RNF149: variants seen among roughly 807,000 people sequenced by gnomAD.
The protein encoded by RNF149 is E3 ubiquitin-protein ligase RNF149.
A neutral mutation model predicts 39.0 loss-of-function variants in RNF149; 21 were observed. That is an observed-to-expected ratio of 0.54 (90% CI 0.38 to 0.77). The LOEUF (loss-of-function observed/expected upper bound fraction) is 0.77, where lower values mean the gene tolerates loss of function less well. Ranked by LOEUF, RNF149 falls within the 30% of genes least tolerant of loss-of-function variation. The probability of loss-of-function intolerance (pLI) is 0.00; values close to 1 mark genes in which losing one functional copy is unlikely to be tolerated. For missense variants in RNF149, 493 were observed against 534.9 expected (o/e 0.92, Z 0.77); for synonymous variants, 209 against 213.6 (o/e 0.98, Z 0.19).
At chr2:101,302,353 G>C (rs1683485584) in intron 1 of RNF149, among the ~76,000 whole-genome samples, 1 of 152,066 alleles carries the variant, frequency 6.6e-6, no homozygotes. Flanking sequence ...AGGTGAATTT[G>C]GTGAATTCAT....
In RNF149 at chr2:101,289,028, C is replaced by G; in HGVS notation, c.808G>C (p.Ala270Pro). The change falls in exon 4 of 7, where the codon GCA becomes CCA. Residue 270 changes from alanine to proline, a missense_variant. By Grantham distance (27) the Ala-to-Pro change is conservative. Transcript: ENST00000295317. Reference sequence around the variant, plus strand: ...ACTTTGAAATTTTCAATACACACTGCACAATTTTCAGCATCAACATCAATT... The same window carrying G: ...ACTTTGAAATTTTCAATACACACTGGACAATTTTCAGCATCAACATCAATT... The part of the protein sequence containing the change: ...KGIDVDAENC[A>P]VCIENFKVKD... 1.3e-6 allele frequency: 2 copies of G among 1,594,260 alleles called. No homozygotes were observed. The highest frequency in any genetic ancestry group is 1.7e-6 in the Non-Finnish European group (2 of 1,163,382).
downstream of RNF149, among the ~76,000 whole-genome samples, chr2:101,273,752 C>T (rs186908861): frequency 1.5e-4 from 23 of 152,232 alleles, no homozygotes; most frequent in East Asian, 3.3e-3. Context: ...GTGTTAAAAG[C>T]GTCAACCACC....
At position 101,308,695 on chromosome 2, in the gene RNF149, C is replaced by CCCT; in HGVS notation, c.-108_-107insAGG. The CCCT allele has an allele frequency of 9.3e-7, 1 of 1,076,516 alleles. No individual in the cohort carries two copies. Among genetic ancestry groups the CCCT allele is most frequent in the Non-Finnish European group, 1.3e-6 (1 of 790,984 alleles). 66.7% of individuals were successfully genotyped at this position (1,076,516 alleles called of 1,614,324 possible). ...CCACCGCCGCCCTGGAAGACTGAGG[C>CCCT]GGGGTCGGGGCCGCTGCGCACGCGC... On this transcript the variant is annotated 5_prime_UTR_variant, in exon 1 of 7. Coordinates refer to ENST00000295317, the MANE Select transcript of RNF149 (RefSeq NM_173647.4).
chr2:101,275,946 T>C lies in RNF149; in HGVS notation c.*1292A>G. 1.0e-6 allele frequency: 1 copy of C among 983,286 alleles called. No individual in the cohort carries two copies. Among genetic ancestry groups the C allele is most frequent in the Non-Finnish European group, 1.2e-6 (1 of 827,962 alleles). The allele number at this position is 983,286 out of a possible 1,614,324, so 60.9% of individuals were successfully genotyped here. The stretch of plus-strand genomic sequence containing the variant: ...TCAATAGCTCCTCATACTGCATCTG[T>C]CTGTAGAGTTTATTTCAGTAAAACT... On this transcript the variant is annotated 3_prime_UTR_variant, in exon 7 of 7. Transcript: ENST00000295317.
In RNF149 at chr2:101,289,054, C is replaced by T. The variant is rs1273585098; in HGVS notation, c.782G>A (p.Gly261Glu). The change falls in exon 4 of 7, where the codon GGA (glycine) becomes GAA (glutamate). Residue 261 changes from glycine to glutamate, a missense_variant and splice_region_variant. Transcript: ENST00000295317. The part of the protein sequence containing the change: ...LLHTVKHGEK[G>E]IDVDAENCAV... ...ACAATTTTCAGCATCAACATCAATT[C>T]CCTGTAAAAAGAAAAGGAAAGTGTT... 1 of 1,574,524 alleles carries T rather than the reference C, an allele frequency of 6.4e-7. No individual in the cohort carries two copies. Among genetic ancestry groups the T allele is most frequent in the East Asian group, 2.2e-5 (1 of 44,556 alleles).
intron 5 of RNF149, 61 bp from the exon 6 acceptor site, chr2:101,282,118 G>C: frequency 1.3e-6 from 2 of 1,596,840 alleles, no homozygotes; most frequent in Non-Finnish European, 1.7e-6. Flanking sequence ...CAAAGCTTAT[G>C]TATCATCTGG....
intron 5 of RNF149, among the ~76,000 whole-genome samples, chr2:101,283,280 A>G (rs1043198815): frequency 3.9e-5 from 6 of 152,182 alleles, no homozygotes; most frequent in Non-Finnish European, 5.9e-5. Context: ...ACCAGTCCAG[A>G]AAGTGAAATC....
At chr2:101,295,268 T>C (rs1285993454) in intron 1 of RNF149, 87 bp from the exon 2 acceptor site, 1 of 1,120,342 alleles carries the variant, frequency 8.9e-7, no homozygotes, top group South Asian at 1.6e-5. Flanking sequence ...ACTATGTTCA[T>C]CTACATATAT....
At chr2:101,294,743 T>C (rs1256885235) in intron 2 of RNF149, 188 bp downstream of exon 2, 1 of 584,230 alleles carries the variant, frequency 1.7e-6, no homozygotes, top group Non-Finnish European at 3.0e-6. Context: ...TAAAGGTATC[T>C]AATTTCCCAC....
In RNF149 at chr2:101,282,134, A is replaced by G. The variant is rs1227613950; in HGVS notation, c.961-77T>C. On this transcript the variant is annotated intron_variant, in intron 5 of 6. Transcript: ENST00000295317. ...AAAGCTTATGTATCATCTGGCTCGT[A>G]ATTCACACACAATATTACGTACTTC... 5.7e-6 allele frequency: 9 copies of G among 1,568,070 alleles called. No individual in the cohort carries two copies. The African/African-American group carries it at 1.1e-4, about 19-fold the overall frequency.
chr2:101,276,080 T>A lies in RNF149; in HGVS notation c.*1158A>T. ...TATGGCTATAAAAATAAATTTATAA[T>A]TTTAAAAATTGTTTTAAATAAACAT... is the stretch of plus-strand genomic sequence containing the variant. On this transcript the variant is annotated 3_prime_UTR_variant, in exon 7 of 7. Transcript: ENST00000295317. 2.3e-6 allele frequency: 2 copies of A among 870,204 alleles called. No homozygotes were observed. The highest frequency in any genetic ancestry group is 1.4e-6 in the Non-Finnish European group (1 of 724,894). The allele number at this position is 870,204 out of a possible 1,614,324, so 53.9% of individuals were successfully genotyped here.
At chr2:101,293,534 T>A (rs1479717450) in intron 3 of RNF149, among the ~76,000 whole-genome samples, 1 of 152,252 alleles carries the variant, frequency 6.6e-6, no homozygotes, top group Non-Finnish European at 1.5e-5. Context: ...AGATTAGCCA[T>A]GTCAAAATGT....
At chr2:101,283,296 G>A (rs1342809740) in intron 5 of RNF149, among the ~76,000 whole-genome samples, 1 of 152,166 alleles carries the variant, frequency 6.6e-6, no homozygotes, top group African/African-American at 2.4e-5. Context: ...AAATCTTCAA[G>A]AGCCCATGAG....
chr2:101,294,265 C>A (rs1683135002), intron 2 of RNF149, 183 bp from the exon 3 acceptor site: 1 of 469,154 alleles, frequency 2.1e-6, no homozygotes, highest in Non-Finnish European at 3.8e-6. Flanking sequence ...GCACCAACTT[C>A]ATAAAAAAGC....
At chr2:101,280,274 CT>C (rs1199801512) in intron 6 of RNF149, among the ~76,000 whole-genome samples, 2 of 151,856 alleles carry the variant, frequency 1.3e-5, no homozygotes, top group Non-Finnish European at 2.9e-5. Context: ...AGGAAATTGC[CT>C]TGCAAATATA....
At chr2:101,282,182 G>C in intron 5 of RNF149, 125 bp from the exon 6 acceptor site, 1 of 1,361,012 alleles carries the variant, frequency 7.3e-7, no homozygotes, top group Non-Finnish European at 9.8e-7. Flanking sequence ...CTGGCAAAAA[G>C]CACATCAATG....
In RNF149 at chr2:101,276,314, A is replaced by G; in HGVS notation, c.*924T>C. ...GCTCCTTTGACCCAAAAGAACAGCA[A>G]GCAAGTAAAAAAGAAGAAACGGTTA... On this transcript the variant is annotated 3_prime_UTR_variant, in exon 7 of 7. Transcript: ENST00000295317. The G allele has an allele frequency of 2.0e-6, 2 of 985,718 alleles. No individual in the cohort carries two copies. The highest frequency in any genetic ancestry group is 2.4e-6 in the Non-Finnish European group (2 of 829,928). 61.1% of individuals were successfully genotyped at this position (985,718 alleles called of 1,614,324 possible). A position where few individuals can be genotyped will look rare whatever the true frequency, so the allele number is the denominator to read the frequency against.
intron 1 of RNF149, among the ~76,000 whole-genome samples, chr2:101,302,015 A>G (rs1210975812): frequency 6.6e-6 from 1 of 152,148 alleles, no homozygotes; most frequent in Non-Finnish European, 1.5e-5. Context: ...CCCACTAACT[A>G]ACTGCAACAC....
In RNF149 at chr2:101,295,079, C is replaced by A; in HGVS notation, c.563G>T (p.Gly188Val). The change falls in exon 2 of 7, where the codon GGC becomes GTC. Residue 188 changes from glycine (G) to valine (V), a missense_variant. Gly to Val is a moderately radical substitution (Grantham distance 109). Coordinates refer to ENST00000295317, the MANE Select transcript of RNF149 (RefSeq NM_173647.4). ...GATGAACTCCTGTACATGCCGGGTGCCAACCCCTATGGTCATCGTTACTGG... is the reference window on the plus strand; with the variant it reads ...GATGAACTCCTGTACATGCCGGGTGACAACCCCTATGGTCATCGTTACTGG... ...GIPVTMTIGV[G>V]TRHVQEFISG... 6.2e-7 allele frequency: 1 copy of A among 1,614,112 alleles called. No individual in the cohort carries two copies. Among genetic ancestry groups the A allele is most frequent in the Non-Finnish European group, 8.5e-7 (1 of 1,180,016 alleles).
Sources: gnomAD v4.1 joint callset for allele counts (sites outside exome capture counted in the v4.1 genomes callset) on GRCh38, gnomAD v4.1.1 for gene constraint, MANE v1.5 for transcripts, NCBI Gene and HGNC (gene_info 2026-07-23, HGNC 2026-07-21) for gene names.